Variants in DPYSL5 observed in about 807,000 individuals in gnomAD.
DPYSL5 encodes dihydropyrimidinase like 5.
DPYSL5 carries 9 observed loss-of-function variants against 58.4 expected under a neutral mutation model. The observed-to-expected ratio is 0.15, with a 90% CI of 0.09 to 0.27. The LOEUF is 0.27. DPYSL5 is among the 10% of genes least tolerant of loss of function. The pLI is 1.00. For missense variants in DPYSL5, 499 were observed against 770.6 expected (o/e 0.65, Z 4.17); for synonymous variants, 293 against 301.9 (o/e 0.97, Z 0.31).
intron 2 of DPYSL5, among the ~76,000 whole-genome samples, chr2:26,908,000 C>T (rs1475812207): frequency 3.3e-5 from 5 of 152,174 alleles, no homozygotes; most frequent in African/African-American, 1.2e-4. Flanking sequence ...CGGATTTCAG[C>T]TCCACATTTG....
chr2:26,913,952 TA>T (rs71401539), intron 2 of DPYSL5, among the ~76,000 whole-genome samples: 14,285 of 132,194 alleles, frequency 0.11, 1,786 homozygotes, highest in African/African-American at 0.32. Context: ...TTCCAAAATG[TA>T]AAAAAAAAAA....
intron 1 of DPYSL5, among the ~76,000 whole-genome samples, chr2:26,871,573 C>G (rs965852043): frequency 1.3e-5 from 2 of 152,056 alleles, no homozygotes; most frequent in Non-Finnish European, 1.5e-5. Context: ...TCCCGAGTAG[C>G]TGGGATTACA....
At chr2:26,853,976 G>T (rs1665817518) in intron 1 of DPYSL5, among the ~76,000 whole-genome samples, 10 of 151,942 alleles carry the variant, frequency 6.6e-5, no homozygotes, top group Admixed American at 6.6e-4. Context: ...GGAGGTCAAG[G>T]CTGCAGTGAG....
At chr2:26,864,828 C>A (rs1341575151) in intron 1 of DPYSL5, among the ~76,000 whole-genome samples, 1 of 152,158 alleles carries the variant, frequency 6.6e-6, no homozygotes, top group Non-Finnish European at 1.5e-5. Context: ...CCGGGGTCAA[C>A]TAAGCACATC....
intron 1 of DPYSL5, among the ~76,000 whole-genome samples, chr2:26,878,732 C>T (rs1376431784): frequency 5.9e-5 from 9 of 152,230 alleles, no homozygotes; most frequent in African/African-American, 2.2e-4. Flanking sequence ...CACGCCATGT[C>T]CCACCAGGCC....
intron 1 of DPYSL5, among the ~76,000 whole-genome samples, chr2:26,884,520 TCACACACACA>T (rs3070961): frequency 2.1e-4 from 31 of 145,630 alleles, no homozygotes; most frequent in East Asian, 8.2e-4. Context: ...TTGTCCTATC[TCACACACACA>T]CACACACACA....
At chr2:26,889,292 C>T (rs1401846967) in intron 1 of DPYSL5, among the ~76,000 whole-genome samples, 2 of 151,136 alleles carry the variant, frequency 1.3e-5, no homozygotes, top group African/African-American at 4.9e-5. Flanking sequence ...TTTTTTGAGA[C>T]GGAGTCTTGC....
At chr2:26,921,880 G>A (rs1417347712) in intron 2 of DPYSL5, among the ~76,000 whole-genome samples, 3 of 152,094 alleles carry the variant, frequency 2.0e-5, no homozygotes, top group East Asian at 3.9e-4. Flanking sequence ...CAGGGGGCAC[G>A]TGGCTGCTCC....
chr2:26,880,819 C>A (rs1004935874), intron 1 of DPYSL5, among the ~76,000 whole-genome samples: 2 of 152,234 alleles, frequency 1.3e-5, no homozygotes, highest in African/African-American at 4.8e-5. Context: ...GTGGTTCTTA[C>A]AACTTCCCCA....
At chr2:26,876,822 T>C (rs182538954) in intron 1 of DPYSL5, among the ~76,000 whole-genome samples, 2 of 149,712 alleles carry the variant, frequency 1.3e-5, no homozygotes, top group Admixed American at 1.3e-4. Context: ...GGCCATGATG[T>C]CCAGATTAAT....
At chr2:26,908,058 G>A (rs1041496391) in intron 2 of DPYSL5, among the ~76,000 whole-genome samples, 9 of 152,114 alleles carry the variant, frequency 5.9e-5, no homozygotes, top group Non-Finnish European at 2.9e-5. Context: ...CTCCATTGTC[G>A]TATGTCTTTA....
intron 1 of DPYSL5, among the ~76,000 whole-genome samples, chr2:26,869,055 C>G (rs952936309): frequency 6.6e-6 from 1 of 152,194 alleles, no homozygotes; most frequent in African/African-American, 2.4e-5. Context: ...GCCTCAACCT[C>G]CTGGGCTCAA....
chr2:26,938,496 C>T (rs1333277587), intron 8 of DPYSL5: 2 of 152,264 alleles, frequency 1.3e-5, no homozygotes, highest in Admixed American at 6.5e-5. Flanking sequence ...CCAGAGCAGC[C>T]TCTTTGGCCC....
At position 26,941,297 on chromosome 2, in the gene DPYSL5, C is replaced by G. The variant is rs1220155162; in HGVS notation, c.1090-653C>G. 1.8e-4 allele frequency among the ~76,000 whole-genome samples: 27 copies of G among 152,082 alleles called. 1 individual carries two copies. Among genetic ancestry groups the G allele is most frequent in the Non-Finnish European group, 1.5e-5 (1 of 68,030 alleles). On this transcript the variant is annotated intron_variant, in intron 9 of 12. Transcript: ENST00000288699. ...GCATCCTAGAAGTGGATTTTTAGGC[C>G]AAGGGATGTGAACATTTTTAAGGCT...
At chr2:26,868,493 T>C (rs925005662) in intron 1 of DPYSL5, among the ~76,000 whole-genome samples, 1 of 152,218 alleles carries the variant, frequency 6.6e-6, no homozygotes, top group Non-Finnish European at 1.5e-5. Flanking sequence ...AAATTCCAGA[T>C]GGATTACAGA....
chr2:26,922,502 C>T (rs1016706089), intron 2 of DPYSL5, among the ~76,000 whole-genome samples: 7 of 152,174 alleles, frequency 4.6e-5, no homozygotes, highest in Admixed American at 1.3e-4. Context: ...GCACATGATC[C>T]TCCTTTTCTC....
intron 5 of DPYSL5, among the ~76,000 whole-genome samples, chr2:26,931,197 G>GTA (rs1345488521): frequency 7.6e-5 from 4 of 52,508 alleles, no homozygotes; most frequent in African/African-American, 2.4e-4. Flanking sequence ...GTGTGTGTGT[G>GTA]TGTGTGTATA....
In DPYSL5 at chr2:26,898,734, G is replaced by A. The variant is rs751893055; in HGVS notation, c.235G>A (p.Val79Met). The A allele has an allele frequency of 2.4e-5, 38 of 1,611,904 alleles. No individual in the cohort carries two copies. Among genetic ancestry groups the A allele is most frequent in the East Asian group, 2.2e-5 (1 of 44,828 alleles). ...FHQTFMNATC[V>M]DDFYHGTKAA... ...CCAGACCTTCATGAATGCCACGTGC[G>A]TGGACGACTTCTACCATGGGACCAA... The change falls in exon 2 of 13, where the codon GTG (valine) becomes ATG (methionine). Residue 79 changes from valine to methionine, a missense_variant. Val to Met is a conservative substitution (Grantham distance 21). This residue lies in a region of DPYSL5 where 404 missense variants were observed against 647.6 expected (regional missense o/e 0.62). Transcript: ENST00000288699. This position sits in a 1 kb window ranked among gnomAD's most constrained non-coding sequence, Gnocchi z 6.1.
chr2:26,880,003 G>C (rs1663515813), intron 1 of DPYSL5, among the ~76,000 whole-genome samples: 1 of 152,100 alleles, frequency 6.6e-6, no homozygotes, highest in African/African-American at 2.4e-5. Context: ...TGATCCTCCT[G>C]CCTCAGCCTC....
Sources: allele counts gnomAD v4.1 joint callset (sites outside exome capture counted in the v4.1 genomes callset), GRCh38; gene constraint gnomAD v4.1.1; regional missense constraint gnomAD v4.1.1; non-coding constraint Gnocchi (gnomAD v3.1); transcripts MANE v1.5; gene names NCBI Gene and HGNC (gene_info 2026-07-23, HGNC 2026-07-21).